The following NAV3 variants were observed in gnomAD, a reference collection of about 807,000 sequenced individuals.
The protein encoded by NAV3 is pore membrane and/or filament interacting like protein 1.
NAV3 carries 87 observed loss-of-function variants against 244.7 expected under a neutral mutation model. That is an observed-to-expected ratio of 0.36 (90% CI 0.30 to 0.42). The LOEUF is 0.42. NAV3 is among the 20% of genes least tolerant of loss of function. NAV3 has a pLI of 1.00. For synonymous variants in NAV3, 1,126 were observed against 1,042.2 expected, an observed-to-expected ratio of 1.08 and a Z score of -1.55; for missense variants, 2,663 against 2,893.3, an observed-to-expected ratio of 0.92 and a Z score of 1.83.
chr12:77,791,420 A>T (rs1213248007), intron 2 of NAV3, among the ~76,000 whole-genome samples: 2 of 151,922 alleles, frequency 1.3e-5, no homozygotes, highest in Non-Finnish European at 2.9e-5. Flanking sequence ...AATCTTATGG[A>T]TAGGCCCTAA....
rs554781711 is a variant in NAV3 at position 77,906,228 on chromosome 12, A to G, written c.244-34091A>G. 2.0e-5 allele frequency among the ~76,000 whole-genome samples: 3 copies of G among 152,232 alleles called. No individual in the cohort carries two copies. The South Asian group carries it at 6.2e-4, about 32-fold the overall frequency. On this transcript the variant is annotated intron_variant, in intron 1 of 39. Transcript: ENST00000397909. ...ATACATTAGAGATAAACACAGACAGACAGACACACATCCACACACAGAAAG... is the reference window on the plus strand; with the variant it reads ...ATACATTAGAGATAAACACAGACAGGCAGACACACATCCACACACAGAAAG...
chr12:77,860,657 A>G (rs1368449646), intron 1 of NAV3, among the ~76,000 whole-genome samples: 2 of 151,904 alleles, frequency 1.3e-5, no homozygotes, highest in Admixed American at 1.3e-4. Context: ...TTGCTAGATA[A>G]TATTTCCTTT....
At position 78,188,287 on chromosome 12, in the gene NAV3, G is replaced by A. The variant is rs762786811; in HGVS notation, c.5830G>A (p.Val1944Ile). 13 of 1,611,472 alleles carry A rather than the reference G, an allele frequency of 8.1e-6. No homozygotes were observed. Among genetic ancestry groups the A allele is most frequent in the African/African-American group, 2.7e-5 (2 of 74,798 alleles). ...GGCATATTTGATAGGATCCATTGGTGTTAGTGGAAAAACCAAGTGGGATGT... is the reference window on the plus strand; with the variant it reads ...GGCATATTTGATAGGATCCATTGGTATTAGTGGAAAAACCAAGTGGGATGT... ...SQAYLIGSIG[V>I]SGKTKWDVLD... The change falls in exon 32 of 40, where the codon GTT (valine) becomes ATT (isoleucine). Residue 1944 changes from valine (V) to isoleucine (I), a missense_variant. By Grantham distance (29) the Val-to-Ile change is conservative. Around this residue, in one of 6 missense-constraint regions of NAV3, gnomAD observed 543 missense variants for 672.4 expected, o/e 0.81. Transcript: ENST00000397909.
At chr12:77,960,454 C>CA (rs1169953323) in intron 3 of NAV3, among the ~76,000 whole-genome samples, 1 of 145,204 alleles carries the variant, frequency 6.9e-6, no homozygotes, top group African/African-American at 2.5e-5. Context: ...TATATATACA[C>CA]ACACACACAC....
chr12:77,713,633 A>T (rs1004936356), intron 2 of NAV3, among the ~76,000 whole-genome samples: 1 of 152,164 alleles, frequency 6.6e-6, no homozygotes, highest in Non-Finnish European at 1.5e-5. Flanking sequence ...TCCTTTTATG[A>T]TCTTCCTTAA....
At chr12:77,981,531 T>C (rs989562406) in intron 5 of NAV3, among the ~76,000 whole-genome samples, 1 of 152,130 alleles carries the variant, frequency 6.6e-6, no homozygotes, top group Admixed American at 6.6e-5. Flanking sequence ...TTTAACTGTC[T>C]TTAAAGTTTG....
intron 2 of NAV3, among the ~76,000 whole-genome samples, chr12:77,582,417 T>A (rs1869406151): frequency 6.6e-6 from 1 of 152,222 alleles, no homozygotes; most frequent in Non-Finnish European, 1.5e-5. Context: ...AGTTCTTTGA[T>A]GACATTAAAC....
chr12:77,962,848 G>A (rs1892151891), intron 3 of NAV3, among the ~76,000 whole-genome samples: 1 of 152,108 alleles, frequency 6.6e-6, no homozygotes, highest in Non-Finnish European at 1.5e-5. Context: ...ATTATTCCGT[G>A]AAACTTTGAC....
intron 2 of NAV3, among the ~76,000 whole-genome samples, chr12:77,821,504 C>A (rs1002288079): frequency 3.3e-5 from 5 of 152,126 alleles, no homozygotes; most frequent in African/African-American, 1.2e-4. Context: ...TTACATGGTG[C>A]TTGGGATGTG....
intron 9 of NAV3, among the ~76,000 whole-genome samples, chr12:78,039,263 A>G (rs191134440): frequency 7.2e-4 from 109 of 152,216 alleles, no homozygotes; most frequent in Admixed American, 3.5e-3. Context: ...ACGTGCTTCA[A>G]TAGGTTCTGT....
chr12:77,885,985 A>C (rs749393466), intron 1 of NAV3, among the ~76,000 whole-genome samples: 9 of 152,110 alleles, frequency 5.9e-5, no homozygotes, highest in Non-Finnish European at 1.3e-4. Flanking sequence ...TAAGCCAAAC[A>C]ACAAATCTTC....
chr12:77,580,463 T>C (rs1001149468), intron 2 of NAV3, among the ~76,000 whole-genome samples: 1 of 152,182 alleles, frequency 6.6e-6, no homozygotes, highest in African/African-American at 2.4e-5. Context: ...TCCTAATATA[T>C]GGATACAACA....
intron 2 of NAV3, among the ~76,000 whole-genome samples, chr12:77,631,463 T>A (rs11106036): frequency 0.094 from 14,174 of 150,304 alleles, 1,752 homozygotes; most frequent in African/African-American, 0.29. Flanking sequence ...ATTATGTTAA[T>A]CTTTTGGAAA....
rs1555202961 is a variant in NAV3, at chr12:77,766,735, G to GTTTGTTTT, written c.73-173581_73-173580insGTTTTTTT. On this transcript the variant is annotated intron_variant, in intron 2 of 8. Coordinates refer to the NAV3 transcript ENST00000550042. Reference sequence around the variant, plus strand: ...AGGATTCTAAAAAACAGGCAATTAAGTTTTTTTTTTTTTTTTTTTTTTTTT... The same window carrying GTTTGTTTT: ...AGGATTCTAAAAAACAGGCAATTAAGTTTGTTTTTTTTTTTTTTTTTTTTTTTTTTTTT... Among the ~76,000 whole-genome samples the GTTTGTTTT allele has an allele frequency of 2.3e-4, 14 of 60,516 alleles. 4 individuals carry two copies. Among genetic ancestry groups the GTTTGTTTT allele is most frequent in the Non-Finnish European group, 2.1e-4 (7 of 33,046 alleles). 39.7% of individuals were successfully genotyped at this position (60,516 alleles called of 152,430 possible). A position where few individuals can be genotyped will look rare whatever the true frequency, so the allele number is the denominator to read the frequency against.
intron 8 of NAV3, among the ~76,000 whole-genome samples, chr12:78,013,579 T>G (rs1039091921): frequency 2.0e-5 from 3 of 152,090 alleles, no homozygotes; most frequent in African/African-American, 2.4e-5. Flanking sequence ...TGGAGCCTGG[T>G]TGTAGTAGAA....
intron 1 of NAV3, among the ~76,000 whole-genome samples, chr12:77,925,545 G>T (rs911712231): frequency 1.3e-5 from 2 of 151,766 alleles, no homozygotes; most frequent in African/African-American, 4.8e-5. Context: ...AAGGCGGGGG[G>T]AGGTTTAGGG....
chr12:77,790,673 A>C (rs1871138872), intron 2 of NAV3, among the ~76,000 whole-genome samples: 1 of 152,182 alleles, frequency 6.6e-6, no homozygotes, highest in African/African-American at 2.4e-5. Flanking sequence ...CTAGACTTTC[A>C]GACTCTGCAA....
At chr12:77,953,249 C>A (rs1593100147) in intron 3 of NAV3, among the ~76,000 whole-genome samples, 4 of 152,094 alleles carry the variant, frequency 2.6e-5, no homozygotes, top group Admixed American at 2.0e-4. Context: ...CGGGAACTTT[C>A]CATATCTATG....
At chr12:78,053,456 C>T (rs188152206) in intron 11 of NAV3, among the ~76,000 whole-genome samples, 6 of 152,126 alleles carry the variant, frequency 3.9e-5, no homozygotes, top group African/African-American at 9.6e-5. Flanking sequence ...ACTTGCTTTA[C>T]GTAAGTCTCT....
Sources: allele counts gnomAD v4.1 joint callset (sites outside exome capture counted in the v4.1 genomes callset), GRCh38; gene constraint gnomAD v4.1.1; regional missense constraint gnomAD v4.1.1; transcripts MANE v1.5; gene names NCBI Gene and HGNC (gene_info 2026-07-23, HGNC 2026-07-21).